Variants in SYK observed in about 807,000 individuals in gnomAD.
SYK encodes the protein tyrosine-protein kinase SYK.
SYK carries 16 observed loss-of-function variants against 77.8 expected under a neutral mutation model. The ratio of observed to expected loss-of-function variants is 0.21; its 90% CI spans 0.14 to 0.31. The LOEUF (loss-of-function observed/expected upper bound fraction) is 0.31. Ranked by LOEUF, SYK falls within the 10% of genes least tolerant of loss-of-function variation. The pLI, the probability that SYK is intolerant of heterozygous loss-of-function variation, is 1.00. For missense variants in SYK, 529 were observed against 814.4 expected, an observed-to-expected ratio of 0.65 and a Z score of 4.26; for synonymous variants, 312 against 308.7, an observed-to-expected ratio of 1.01 and a Z score of -0.11.
rs2118648870 is a variant in SYK at position 90,845,589 on chromosome 9, GT to G, written c.575del (p.Phe192SerfsTer2). ...TGATAGGATCAAAGACAAATGGAAA[GT>G]TCCTGTGAGTATCGTGCCTTCCCCC... The part of the protein sequence containing the change: ...VLIGSKTNGK[F>X]LIRARDNNGS... On this transcript the variant is annotated frameshift_variant, in exon 3 of 14. Coordinates refer to ENST00000375754, the MANE Select transcript of SYK (RefSeq NM_003177.7). LOFTEE classifies it high-confidence loss of function. The G allele has an allele frequency of 6.2e-7, 1 of 1,613,842 alleles. No individual in the cohort carries two copies. Among genetic ancestry groups the G allele is most frequent in the Non-Finnish European group, 8.5e-7 (1 of 1,179,810 alleles).
At chr9:90,850,770 TA>T (rs556936977) in intron 3 of SYK, among the ~76,000 whole-genome samples, 1,659 of 129,354 alleles carry the variant, frequency 0.013, 6 homozygotes, top group Non-Finnish European at 0.017. Context: ...GACTAAAAGG[TA>T]AAAAAAAAAA....
chr9:90,807,528 G>A (rs4002565), intron 1 of SYK, among the ~76,000 whole-genome samples: 35,437 of 151,836 alleles, frequency 0.23, 4,163 homozygotes, highest in Middle Eastern at 0.35. Context: ...TGCAGTGCTC[G>A]GTACCTGGTA....
At chr9:90,815,085 CT>C (rs540231706) in intron 1 of SYK, among the ~76,000 whole-genome samples, 242 of 143,580 alleles carry the variant, frequency 1.7e-3, no homozygotes, top group Non-Finnish European at 3.1e-3. Flanking sequence ...TTGTTCCTTT[CT>C]CTTCGGTTAA....
intron 1 of SYK, among the ~76,000 whole-genome samples, chr9:90,809,766 T>A (rs1053354734): frequency 2.0e-5 from 3 of 152,142 alleles, no homozygotes; most frequent in African/African-American, 7.2e-5. Flanking sequence ...GCTGTGAGTG[T>A]CTCTGTCCTT....
intron 1 of SYK, among the ~76,000 whole-genome samples, chr9:90,812,732 C>T (rs953655199): frequency 7.6e-6 from 1 of 131,386 alleles, no homozygotes; most frequent in African/African-American, 2.9e-5. Context: ...TGGCTCCTCC[C>T]CATTTGATAT....
At chr9:90,841,380 G>GTGTGTAAGA (rs1564085694) in intron 1 of SYK, among the ~76,000 whole-genome samples, 11 of 145,700 alleles carry the variant, frequency 7.5e-5, no homozygotes, top group Non-Finnish European at 1.1e-4. Flanking sequence ...TGTGTGCAGT[G>GTGTGTAAGA]TGTGTGTAGT....
Position 90,884,736 on chromosome 9 carries a change from T to TATACACATATACACATATGTGTACATGC in SYK, c.1582-3012_1582-3011insTACACATATACACATATGTGTACATGCA, listed in dbSNP as rs368864024. On this transcript the variant is annotated intron_variant, in intron 11 of 13. Transcript: ENST00000375754. ...ACACATATACACATATGTGTACATGTACATATACACATATACACATATGTG... is the reference window on the plus strand; with the variant it reads ...ACACATATACACATATGTGTACATGTATACACATATACACATATGTGTACATGCACATATACACATATACACATATGTG... 3.4e-4 allele frequency among the ~76,000 whole-genome samples: 6 copies of TATACACATATACACATATGTGTACATGC among 17,786 alleles called. 3 individuals are homozygous for TATACACATATACACATATGTGTACATGC. Among genetic ancestry groups the TATACACATATACACATATGTGTACATGC allele is most frequent in the Admixed American group, 1.3e-3 (2 of 1,502 alleles). 11.7% of individuals were successfully genotyped at this position (17,786 alleles called of 152,430 possible). A position where few individuals can be genotyped will look rare whatever the true frequency, so the allele number is the denominator to read the frequency against.
chr9:90,871,709 T>C lies in SYK; in HGVS notation c.916-2495T>C, dbSNP rs1440369144. On this transcript the variant is annotated intron_variant, in intron 7 of 13. Transcript: ENST00000375754. ...CTTCCACATTCTTCCAGTTGTGGCA[T>C]CATTCTTTGCTCCAGTCCTGTTAGT... Among the ~76,000 whole-genome samples the C allele has an allele frequency of 1.5e-4, 23 of 152,352 alleles. 1 individual carries two copies. In the South Asian group the frequency reaches 4.8e-3, roughly 32 times the overall value.
chr9:90,810,969 A>G (rs1429821205), intron 1 of SYK, among the ~76,000 whole-genome samples: 1 of 152,166 alleles, frequency 6.6e-6, no homozygotes, highest in Non-Finnish European at 1.5e-5. Context: ...ATCGTTTGGA[A>G]AAAAAAACAA....
chr9:90,841,024 G>A (rs1438279089), intron 1 of SYK, among the ~76,000 whole-genome samples: 2 of 152,048 alleles, frequency 1.3e-5, no homozygotes, highest in Non-Finnish European at 2.9e-5. Flanking sequence ...CTTCATGTGT[G>A]TGTTTTGTGT....
chr9:90,875,246 A>G (rs202142464), intron 9 of SYK, among the ~76,000 whole-genome samples: 1 of 151,554 alleles, frequency 6.6e-6, no homozygotes, highest in South Asian at 2.1e-4. Context: ...AAAAAAAATA[A>G]ATAAATAAAT....
rs750979783 is a variant in SYK at position 90,845,531 on chromosome 9, A to G, written c.515A>G (p.Lys172Arg). The part of the protein sequence containing the change: ...AHEKMPWFHG[K>R]ISREESEQIV... ...GAAAAAATGCCTTGGTTCCATGGAAAAATCTCTCGGGAAGAATCTGAGCAA... is the reference window on the plus strand; with the variant it reads ...GAAAAAATGCCTTGGTTCCATGGAAGAATCTCTCGGGAAGAATCTGAGCAA... The change falls in exon 3 of 14, where the codon AAA becomes AGA. Residue 172 changes from lysine to arginine, a missense_variant. Transcript: ENST00000375754. 1.9e-6 allele frequency: 3 copies of G among 1,614,236 alleles called. No individual in the cohort carries two copies. The highest frequency in any genetic ancestry group is 1.7e-5 in the Admixed American group (1 of 60,028).
At chr9:90,892,358 C>A (rs1030876552) in intron 13 of SYK, among the ~76,000 whole-genome samples, 3 of 152,194 alleles carry the variant, frequency 2.0e-5, no homozygotes, top group African/African-American at 7.2e-5. Context: ...GGCATTTTCT[C>A]ATCCTGCTAC....
chr9:90,893,393 G>T (rs1828869553), intron 13 of SYK, among the ~76,000 whole-genome samples: 1 of 152,008 alleles, frequency 6.6e-6, no homozygotes, highest in African/African-American at 2.4e-5. Flanking sequence ...GTTTTGTTTT[G>T]TTTTGCTTTG....
chr9:90,828,235 G>GCCAC (rs1431034125), intron 1 of SYK, among the ~76,000 whole-genome samples: 2 of 55,420 alleles, frequency 3.6e-5, no homozygotes, highest in Non-Finnish European at 7.4e-5. Context: ...CCTCACCCCC[G>GCCAC]CCCCCCCCCC....
intron 1 of SYK, among the ~76,000 whole-genome samples, chr9:90,838,328 A>G (rs1424644917): frequency 6.6e-6 from 1 of 152,240 alleles, no homozygotes; most frequent in African/African-American, 2.4e-5. Flanking sequence ...AGAACAAGAC[A>G]ATACTCAAAT....
At chr9:90,810,847 G>A in intron 1 of SYK, among the ~76,000 whole-genome samples, 1 of 152,206 alleles carries the variant, frequency 6.6e-6, no homozygotes, top group East Asian at 1.9e-4. Context: ...AAGCTGCTGT[G>A]GGGAGTAGAG....
Position 90,880,852 on chromosome 9 carries a change from G to A in SYK, c.1581+1899G>A, listed in dbSNP as rs79509720. On this transcript the variant is annotated intron_variant, in intron 11 of 13. Transcript: ENST00000375754. ...ACACTACTCAGCCACTGAGCAGCTG[G>A]TTAGACACAGCCCATGCTGGAGACC... Among the ~76,000 whole-genome samples, 7 of 152,336 alleles carry A rather than the reference G, an allele frequency of 4.6e-5. No homozygotes were observed. In the East Asian group the frequency reaches 1.2e-3, roughly 25 times the overall value.
rs537498084 is a variant in SYK, at chr9:90,858,247, A to G, written c.579-3959A>G. Among the ~76,000 whole-genome samples the G allele has an allele frequency of 1.2e-4, 19 of 152,256 alleles. No homozygotes were observed. The East Asian group carries it at 3.5e-3, about 28-fold the overall frequency. On this transcript the variant is annotated intron_variant, in intron 3 of 13. Transcript: ENST00000375754. The stretch of plus-strand genomic sequence containing the variant: ...TGTCTGTGAGGCACAAGGCCTGCTC[A>G]CCCCAGAGGCCAAGGCTGCCTACCC...
Sources: gnomAD v4.1 joint callset for allele counts (sites outside exome capture counted in the v4.1 genomes callset) on GRCh38, gnomAD v4.1.1 for gene constraint, MANE v1.5 for transcripts, NCBI Gene and HGNC (gene_info 2026-07-23, HGNC 2026-07-21) for gene names.